KAT6B: variants seen among roughly 807,000 people sequenced by gnomAD.
KAT6B encodes the protein histone acetyltransferase KAT6B.
A neutral mutation model predicts 187.5 loss-of-function variants in KAT6B; 10 were observed. The ratio of observed to expected loss-of-function variants is 0.05; its 90% CI spans 0.03 to 0.09. The LOEUF (loss-of-function observed/expected upper bound fraction) is 0.09, where lower values mean the gene tolerates loss of function less well. Among genes scored for constraint, KAT6B ranks in the 10% least tolerant of loss-of-function variants. The pLI, the probability that KAT6B is intolerant of heterozygous loss-of-function variation, is 1.00. For synonymous variants in KAT6B, 861 were observed against 926.8 expected (o/e 0.93, Z 1.29); for missense variants, 1,952 against 2,558.9 (o/e 0.76, Z 5.12).
chr10:74,992,889 A>G (rs1019666466), intron 13 of KAT6B, among the ~76,000 whole-genome samples: 1 of 152,168 alleles, frequency 6.6e-6, no homozygotes, highest in African/African-American at 2.4e-5. Context: ...AGTGGGTTTT[A>G]TGACTCTTTG....
Position 75,032,257 on chromosome 10 carries a change from A to C in KAT6B, c.*1211A>C, listed in dbSNP as rs1846364628. The C allele has an allele frequency of 5.2e-6, 1 of 192,546 alleles. No individual in the cohort carries two copies. Among genetic ancestry groups the C allele is most frequent in the Non-Finnish European group, 1.1e-5 (1 of 91,980 alleles). 11.9% of individuals were successfully genotyped at this position (192,546 alleles called of 1,614,324 possible). On this transcript the variant is annotated 3_prime_UTR_variant, in exon 18 of 18. Transcript: ENST00000287239. The stretch of plus-strand genomic sequence containing the variant: ...AAAAACAAACAAAAAAAAGCTGTAC[A>C]TTTTAACATAAAATAAATTATGATG...
intron 3 of KAT6B, among the ~76,000 whole-genome samples, chr10:74,898,997 C>CAAAAAAAAAAAAAAAA: frequency 2.4e-4 from 26 of 107,784 alleles, no homozygotes; most frequent in African/African-American, 6.3e-4. Context: ...ACTAAAAATA[C>CAAAAAAAAAAAAAAAA]AAAAAAAAAA....
intron 3 of KAT6B, among the ~76,000 whole-genome samples, chr10:74,849,086 A>G (rs1842303233): frequency 1.3e-5 from 2 of 152,064 alleles, no homozygotes; most frequent in Non-Finnish European, 2.9e-5. Context: ...GGTTCAAACA[A>G]TTCTTGTGCC....
intron 12 of KAT6B, among the ~76,000 whole-genome samples, chr10:74,986,151 T>C (rs1462644607): frequency 6.6e-6 from 1 of 152,202 alleles, no homozygotes; most frequent in Non-Finnish European, 1.5e-5. Context: ...ATATAGCTTG[T>C]CCTTTTTACT....
At position 74,854,959 on chromosome 10, in the gene KAT6B, A is replaced by C. The variant is rs562387214; in HGVS notation, c.621+11481A>C. Among the ~76,000 whole-genome samples, 3 of 152,282 alleles carry C rather than the reference A, an allele frequency of 2.0e-5. No homozygotes were observed. In the South Asian group the frequency reaches 6.2e-4, roughly 32 times the overall value. ...TTTATTATAGGTATACAAACATTGTAGTTTTGTCTCCCCCATCAAGTCGGT... is the reference window on the plus strand; with the variant it reads ...TTTATTATAGGTATACAAACATTGTCGTTTTGTCTCCCCCATCAAGTCGGT... On this transcript the variant is annotated intron_variant, in intron 3 of 17. Transcript: ENST00000287239.
At chr10:74,834,349 C>T (rs1471229644) in intron 1 of KAT6B, among the ~76,000 whole-genome samples, 3 of 152,074 alleles carry the variant, frequency 2.0e-5, no homozygotes, top group Non-Finnish European at 4.4e-5. Context: ...AGGCATGCAC[C>T]ACCACGCCTG....
intron 3 of KAT6B, among the ~76,000 whole-genome samples, chr10:74,894,415 G>C (rs867080724): frequency 1.3e-5 from 2 of 152,016 alleles, no homozygotes; most frequent in Admixed American, 6.6e-5. Context: ...GTTGATTATG[G>C]TTTAAAAAAA....
chr10:74,917,290 G>C (rs1158252716), intron 3 of KAT6B, among the ~76,000 whole-genome samples: 2 of 152,058 alleles, frequency 1.3e-5, no homozygotes, highest in Non-Finnish European at 2.9e-5. Flanking sequence ...CCATAGCACA[G>C]TTATAAAAAA....
chr10:74,920,936 T>C (rs1351877070), intron 3 of KAT6B, among the ~76,000 whole-genome samples: 2 of 152,110 alleles, frequency 1.3e-5, no homozygotes, highest in Non-Finnish European at 2.9e-5. Context: ...TCATATTAAT[T>C]TGTGTGTACT....
At chr10:74,892,916 G>A (rs1845735564) in intron 3 of KAT6B, among the ~76,000 whole-genome samples, 1 of 152,214 alleles carries the variant, frequency 6.6e-6, no homozygotes, top group African/African-American at 2.4e-5. Flanking sequence ...AGCTGCCCCT[G>A]GGGACAGTGT....
Position 75,030,164 on chromosome 10 carries a change from G to A in KAT6B, c.5340G>A (p.Gln1780=). Residue 1780 remains glutamine, a synonymous_variant, in exon 18 of 18, where the codon CAG becomes CAA. Coordinates refer to ENST00000287239, the MANE Select transcript of KAT6B (RefSeq NM_012330.4). This position sits in a 1 kb window ranked among gnomAD's most constrained non-coding sequence, Gnocchi z 4.8. Reference sequence around the variant, plus strand: ...CTGCTAACTTCACCCCACCCATGCAGCTGGCTGAAATCCCCGAGACGAGCA... The same window carrying A: ...CTGCTAACTTCACCCCACCCATGCAACTGGCTGAAATCCCCGAGACGAGCA... ...SMAANFTPPM[Q]LAEIPETSNA... 1 of 1,614,234 alleles carries A rather than the reference G, an allele frequency of 6.2e-7. No homozygotes were observed. The highest frequency in any genetic ancestry group is 8.5e-7 in the Non-Finnish European group (1 of 1,180,040).
chr10:74,935,286 T>C (rs1257271568), intron 3 of KAT6B, among the ~76,000 whole-genome samples: 2 of 152,230 alleles, frequency 1.3e-5, no homozygotes, highest in African/African-American at 4.8e-5. Flanking sequence ...CACACATATA[T>C]ATATATACAC....
chr10:74,861,831 T>C (rs1367516242), intron 3 of KAT6B, among the ~76,000 whole-genome samples: 2 of 152,216 alleles, frequency 1.3e-5, no homozygotes, highest in Non-Finnish European at 2.9e-5. Context: ...TCCCAAATGA[T>C]GTTCTGAGGA....
rs34281337 is a variant in KAT6B, at chr10:75,014,460, A to AT, written c.2630-6114dup. Reference sequence around the variant, plus strand: ...TTATTTATATTTTAGAAAGTATAGGATTTTTTTTAATTTAAAAAAATGTTA... The same window carrying AT: ...TTATTTATATTTTAGAAAGTATAGGATTTTTTTTTAATTTAAAAAAATGTTA... On this transcript the variant is annotated intron_variant, in intron 13 of 17. Coordinates refer to ENST00000287239, the MANE Select transcript of KAT6B (RefSeq NM_012330.4). Among the ~76,000 whole-genome samples the AT allele has an allele frequency of 5.3e-5, 8 of 151,982 alleles. No individual in the cohort carries two copies. The South Asian group carries it at 1.2e-3, about 24-fold the overall frequency.
intron 11 of KAT6B, 125 bp downstream of exon 11, chr10:74,982,053 C>A: frequency 1.2e-6 from 1 of 805,326 alleles, no homozygotes; most frequent in South Asian, 1.5e-5. Context: ...ATTCAGACTG[C>A]CCTTTAAAAC....
At chr10:75,025,421 C>T in intron 17 of KAT6B, 172 bp downstream of exon 17, 1 of 635,736 alleles carries the variant, frequency 1.6e-6, no homozygotes, top group Non-Finnish European at 2.7e-6. Flanking sequence ...CTCCCTTCTT[C>T]CTGGAATTGG....
At chr10:74,832,642 C>T (rs1057502454) in intron 1 of KAT6B, among the ~76,000 whole-genome samples, 126 of 151,974 alleles carry the variant, frequency 8.3e-4, no homozygotes, top group African/African-American at 2.7e-3. Context: ...GCTGGGATTA[C>T]AGGCATGCGC....
intron 13 of KAT6B, among the ~76,000 whole-genome samples, chr10:75,010,976 G>C (rs1844563048): frequency 6.6e-6 from 1 of 152,194 alleles, no homozygotes; most frequent in Non-Finnish European, 1.5e-5. Context: ...GTGTATATGT[G>C]TTCGATTAAG....
At chr10:74,929,474 C>T (rs1176083924) in intron 3 of KAT6B, among the ~76,000 whole-genome samples, 3 of 152,124 alleles carry the variant, frequency 2.0e-5, no homozygotes, top group African/African-American at 4.8e-5. Flanking sequence ...GACCGAATGC[C>T]ACCAGTGTAT....
Sources: gnomAD v4.1 joint callset for allele counts (sites outside exome capture counted in the v4.1 genomes callset) on GRCh38, gnomAD v4.1.1 for gene constraint, Gnocchi (gnomAD v3.1) non-coding constraint, MANE v1.5 for transcripts, NCBI Gene and HGNC (gene_info 2026-07-23, HGNC 2026-07-21) for gene names.